Variants in SHANK1 observed in about 807,000 individuals in gnomAD.
The protein encoded by SHANK1 is SH3 and multiple ankyrin repeat domains protein 1.
A neutral mutation model predicts 165.6 loss-of-function variants in SHANK1; 35 were observed. The observed-to-expected ratio is 0.21, with a 90% CI of 0.16 to 0.28. SHANK1 has a LOEUF of 0.28. Among genes scored for constraint, SHANK1 ranks in the 10% least tolerant of loss-of-function variants. SHANK1 has a pLI of 1.00. For synonymous variants in SHANK1, 1,428 were observed against 1,384.8 expected, an observed-to-expected ratio of 1.03 and a Z score of -0.69; for missense variants, 2,681 against 3,036.4, an observed-to-expected ratio of 0.88 and a Z score of 2.75.
chr19:50,691,804 G>A (rs979832063), intron 15 of SHANK1, among the ~76,000 whole-genome samples: 6 of 152,110 alleles, frequency 3.9e-5, no homozygotes, highest in African/African-American at 1.4e-4. Context: ...AGCTTCCCAA[G>A]TACCTAGGAC....
At chr19:50,691,762 A>G (rs1339728857) in intron 15 of SHANK1, among the ~76,000 whole-genome samples, 4 of 152,200 alleles carry the variant, frequency 2.6e-5, no homozygotes, top group Non-Finnish European at 1.5e-5. Flanking sequence ...CTGCAGCCTC[A>G]AACTCCTGAG....
rs1032197249 is a variant in SHANK1, at chr19:50,693,586, C to T, written c.1964+3510G>A. On this transcript the variant is annotated intron_variant, in intron 15 of 23. Coordinates refer to ENST00000293441, the MANE Select transcript of SHANK1 (RefSeq NM_016148.5). ...GCCTGCACTCCCCTCCCCACCCCAA[C>T]GTCCCTCTCACACACCCAGGGTCCG... 2.6e-4 allele frequency among the ~76,000 whole-genome samples: 39 copies of T among 152,066 alleles called. 1 individual carries two copies. Among genetic ancestry groups the T allele is most frequent in the Admixed American group, 1.8e-3 (27 of 15,290 alleles).
Position 50,667,378 on chromosome 19 carries a change from G to A in SHANK1, c.4582C>T (p.Pro1528Ser). ...GCCCTCGGGGAGGTCGGGGAGGGGGGCACGGACCGGCGTGGGCTGGGCGGC... is the reference window on the plus strand; with the variant it reads ...GCCCTCGGGGAGGTCGGGGAGGGGGACACGGACCGGCGTGGGCTGGGCGGC... Reference protein sequence around the residue: ...VPPPSPRRSVPPSPTSPRASE... With the variant: ...VPPPSPRRSVSPSPTSPRASE... The change falls in exon 23 of 24, where the codon CCC (proline) becomes TCC (serine). Residue 1528 changes from proline (P) to serine (S), a missense_variant. Around this residue, in one of 10 missense-constraint regions of SHANK1, gnomAD observed 1,713 missense variants for 1,630.2 expected, o/e 1.05. Coordinates refer to ENST00000293441, the MANE Select transcript of SHANK1 (RefSeq NM_016148.5). The surrounding 1 kb of genome is among the most constrained non-coding windows in gnomAD (Gnocchi z 5.7). The A allele has an allele frequency of 1.3e-6, 2 of 1,526,282 alleles. No homozygotes were observed. Among genetic ancestry groups the A allele is most frequent in the Non-Finnish European group, 1.8e-6 (2 of 1,138,998 alleles). The allele number at this position is 1,526,282 out of a possible 1,614,324, so 94.5% of individuals were successfully genotyped here.
rs1391268245 is a variant in SHANK1 at position 50,718,749 on chromosome 19, C to A, written c.-44+657G>T. 1.2e-5 allele frequency among the ~76,000 whole-genome samples: 1 copy of A among 83,974 alleles called. No homozygotes were observed. The highest frequency in any genetic ancestry group is 2.3e-5 in the Non-Finnish European group (1 of 42,740). The allele number at this position is 83,974 out of a possible 152,430, so 55.1% of individuals were successfully genotyped here. ...GGAGGCGGAGGGAGGCGGGGAGGGG[C>A]GGGGAGAGAGAGCCGGAGCCGAGGC... is the stretch of plus-strand genomic sequence containing the variant. On this transcript the variant is annotated intron_variant, in intron 1 of 23. Coordinates refer to ENST00000293441, the MANE Select transcript of SHANK1 (RefSeq NM_016148.5). This position sits in a 1 kb window ranked among gnomAD's most constrained non-coding sequence, Gnocchi z 5.1.
At chr19:50,712,663 A>C (rs56045523) in intron 6 of SHANK1, among the ~76,000 whole-genome samples, 7,394 of 152,228 alleles carry the variant, frequency 0.049, 626 homozygotes, top group African/African-American at 0.17. Context: ...CTGGGTGTGG[A>C]AGGCTGGCAA....
At chr19:50,712,993 T>A (rs915047304) in intron 6 of SHANK1, among the ~76,000 whole-genome samples, 1 of 151,960 alleles carries the variant, frequency 6.6e-6, no homozygotes, top group Non-Finnish European at 1.5e-5. Flanking sequence ...TGAGTGTGCA[T>A]GGGAGATACA....
At chr19:50,663,662 T>C (rs1453831442) in intron 23 of SHANK1, among the ~76,000 whole-genome samples, 1 of 151,792 alleles carries the variant, frequency 6.6e-6, no homozygotes, top group Non-Finnish European at 1.5e-5. Context: ...AAGGGCACTC[T>C]GCACACATAG....
chr19:50,711,869 G>C, intron 7 of SHANK1, 78 bp downstream of exon 7: 1 of 1,538,324 alleles, frequency 6.5e-7, no homozygotes. Context: ...CTGGCATCTG[G>C]TTCCCAGCCC....
At chr19:50,714,490 G>C (rs557826933) in intron 4 of SHANK1, among the ~76,000 whole-genome samples, 200 bp from the exon 5 acceptor site, 4 of 152,064 alleles carry the variant, frequency 2.6e-5, no homozygotes, top group Admixed American at 1.3e-4. Flanking sequence ...CCAGGGGTTC[G>C]AGACCAGCCT....
intron 23 of SHANK1, among the ~76,000 whole-genome samples, chr19:50,664,514 T>C (rs1198885969): frequency 6.6e-6 from 1 of 152,226 alleles, no homozygotes; most frequent in African/African-American, 2.4e-5. Flanking sequence ...CTCTTTGGGC[T>C]GGCACTAGGC....
At position 50,662,946 on chromosome 19, in the gene SHANK1, GATAATA is replaced by G. The variant is rs1376481556; in HGVS notation, c.5769-270_5769-265del. Among the ~76,000 whole-genome samples, 1 of 152,042 alleles carries G rather than the reference GATAATA, an allele frequency of 6.6e-6. No individual in the cohort carries two copies. The highest frequency in any genetic ancestry group is 1.5e-5 in the Non-Finnish European group (1 of 68,006). Reference sequence around the variant, plus strand: ...GATGAAAGAAAAAGAGACATTAAGTGATAATAATAATAATCGTCACCGCTTACTGAT... The same window carrying G: ...GATGAAAGAAAAAGAGACATTAAGTGATAATAATCGTCACCGCTTACTGAT... On this transcript the variant is annotated intron_variant, in intron 23 of 23. Transcript: ENST00000293441. This position sits in a 1 kb window ranked among gnomAD's most constrained non-coding sequence, Gnocchi z 7.7.
rs2123200890 is a variant in SHANK1, at chr19:50,713,124, C to G, written c.792+674G>C. ...GAAGGGAGGGGCCGTTTAGCTGGAG[C>G]AGCTGTGCGTCGGGGTGCTTCTCAA... On this transcript the variant is annotated intron_variant, in intron 6 of 23. Transcript: ENST00000293441. The surrounding 1 kb of genome is among the most constrained non-coding windows in gnomAD (Gnocchi z 6.2). 1.3e-5 allele frequency among the ~76,000 whole-genome samples: 2 copies of G among 152,240 alleles called. No individual in the cohort carries two copies. Among genetic ancestry groups the G allele is most frequent in the Middle Eastern group, 3.4e-3 (1 of 294 alleles).
chr19:50,700,693 T>C (rs979596563), intron 12 of SHANK1, among the ~76,000 whole-genome samples: 7 of 151,996 alleles, frequency 4.6e-5, no homozygotes, highest in African/African-American at 1.2e-4. Flanking sequence ...CAGAAGGCAG[T>C]GTGTTCTCTC....
Position 50,716,896 on chromosome 19 carries a change from G to C in SHANK1, c.24C>G (p.Ser8Arg). MTHSPATSEDEERHSASE... is the reference protein window; with the variant it reads MTHSPATREDEERHSASE... ...TGGCACTGTGGCGTTCCTCGTCCTC[G>C]CTTGTCGCGGGGCTGTGGGTCATTG... The change falls in exon 2 of 24, where the codon AGC becomes AGG. Residue 8 changes from serine (S) to arginine (R), a missense_variant. Ser to Arg is a moderately radical substitution (Grantham distance 110). Transcript: ENST00000293441. The surrounding 1 kb of genome is among the most constrained non-coding windows in gnomAD (Gnocchi z 8.4). 6.9e-7 allele frequency: 1 copy of C among 1,454,472 alleles called. No homozygotes were observed. The highest frequency in any genetic ancestry group is 1.9e-4 in the Middle Eastern group (1 of 5,196). The allele number at this position is 1,454,472 out of a possible 1,614,324, so 90.1% of individuals were successfully genotyped here. A position where few individuals can be genotyped will look rare whatever the true frequency, so the allele number is the denominator to read the frequency against.
chr19:50,687,786 C>T, intron 18 of SHANK1, 124 bp from the exon 19 acceptor site: 3 of 1,376,108 alleles, frequency 2.2e-6, no homozygotes, highest in Non-Finnish European at 3.0e-6. Flanking sequence ...CTCCCTGCCT[C>T]AGTTTCTCCC....
At chr19:50,684,148 G>C (rs1008625623) in intron 21 of SHANK1, among the ~76,000 whole-genome samples, 3 of 152,146 alleles carry the variant, frequency 2.0e-5, no homozygotes, top group African/African-American at 7.2e-5. Flanking sequence ...GAGGATAGAA[G>C]AAGATCACAG....
chr19:50,697,863 C>T lies in SHANK1; in HGVS notation c.1841G>A (p.Arg614His), dbSNP rs750243375. ...PSDCLEEVAN[R>H]SQESKQESRS... ...ATTACCTTGCTTGCTCTCCTGAGAG[C>T]GATTCGCCACTTCTTCCAGGCAGTC... The change falls in exon 13 of 24, where the codon CGC (arginine) becomes CAC (histidine). Residue 614 changes from arginine to histidine, a missense_variant. By Grantham distance (29) the Arg-to-His change is conservative (BLOSUM62 0). This residue lies in a region of SHANK1 where 147 missense variants were observed against 256.5 expected (regional missense o/e 0.57). Transcript: ENST00000293441. This position sits in a 1 kb window ranked among gnomAD's most constrained non-coding sequence, Gnocchi z 4.7. 16 of 1,613,652 alleles carry T rather than the reference C, an allele frequency of 9.9e-6. No homozygotes were observed. The highest frequency in any genetic ancestry group is 3.3e-5 in the South Asian group (3 of 91,070).
intron 6 of SHANK1, among the ~76,000 whole-genome samples, chr19:50,712,737 C>A (rs1357535852): frequency 6.6e-6 from 1 of 151,862 alleles, no homozygotes; most frequent in Admixed American, 6.6e-5. Context: ...TGTAGCAGTG[C>A]CACCCAACAG....
intron 1 of SHANK1, among the ~76,000 whole-genome samples, chr19:50,719,078 T>G (rs1599877389): frequency 9.7e-5 from 8 of 82,860 alleles, no homozygotes; most frequent in Admixed American, 1.4e-4. Context: ...GGCGGGGGAG[T>G]GGCCGGGCTG....
Sources: allele counts gnomAD v4.1 joint callset (sites outside exome capture counted in the v4.1 genomes callset), GRCh38; gene constraint gnomAD v4.1.1; regional missense constraint gnomAD v4.1.1; non-coding constraint Gnocchi (gnomAD v3.1); transcripts MANE v1.5; gene names NCBI Gene and HGNC (gene_info 2026-07-23, HGNC 2026-07-21).